CEMIP2: variants seen among roughly 807,000 people sequenced by gnomAD.
CEMIP2 encodes cell migration inducing hyaluronidase 2.
Under a neutral mutation model 146.9 loss-of-function variants are expected in CEMIP2, and 79 were observed. The observed-to-expected ratio is 0.54, with a 90% CI of 0.45 to 0.65. The LOEUF (loss-of-function observed/expected upper bound fraction) is 0.65. Among genes scored for constraint, CEMIP2 ranks in the 30% least tolerant of loss-of-function variants. The pLI is 0.00. For missense variants in CEMIP2, 1,596 were observed against 1,696.2 expected (o/e 0.94, Z 1.04); for synonymous variants, 601 against 606.3 (o/e 0.99, Z 0.13).
intron 21 of CEMIP2, among the ~76,000 whole-genome samples, chr9:71,694,018 A>G (rs1589126821): frequency 6.6e-6 from 1 of 152,232 alleles, no homozygotes; most frequent in East Asian, 1.9e-4. Flanking sequence ...AACCAGGCTC[A>G]CCAGACACTC....
At position 71,690,177 on chromosome 9, in the gene CEMIP2, G is replaced by A; in HGVS notation, c.3766C>T (p.Pro1256Ser). ...ACCGTTTTTTCCGTCAAGCGGAATG[G>A]AACGCTGCACGGATCCACAACAAGG... Reference protein sequence around the residue: ...LLLVVDPCSVPFRLTEKTVFP... With the variant: ...LLLVVDPCSVSFRLTEKTVFP... The change falls in exon 22 of 24, where the codon CCA (proline) becomes TCA (serine). Residue 1256 changes from proline (P) to serine (S), a missense_variant. Coordinates refer to ENST00000377044, the MANE Select transcript of CEMIP2 (RefSeq NM_013390.3). The A allele has an allele frequency of 6.2e-7, 1 of 1,614,166 alleles. No individual in the cohort carries two copies. Among genetic ancestry groups the A allele is most frequent in the South Asian group, 1.1e-5 (1 of 91,082 alleles).
intron 1 of CEMIP2, among the ~76,000 whole-genome samples, chr9:71,753,932 C>T (rs1441039949): frequency 6.6e-6 from 1 of 152,026 alleles, no homozygotes; most frequent in Non-Finnish European, 1.5e-5. Context: ...TTACAGCATC[C>T]CCAAGAAATG....
chr9:71,707,069 C>T (rs1822765244), intron 17 of CEMIP2, among the ~76,000 whole-genome samples: 1 of 152,164 alleles, frequency 6.6e-6, no homozygotes, highest in Non-Finnish European at 1.5e-5. Flanking sequence ...CGCAGGTGAT[C>T]CACCTGCCTC....
At position 71,685,159 on chromosome 9, in the gene CEMIP2, CA is replaced by C. The variant is rs745981584; in HGVS notation, c.*37del. ...GCCATAAATTAAATAAGTTAGTTCA[CA>C]TTTTTTTTCCCCCAGCACTTAAGTT... On this transcript the variant is annotated 3_prime_UTR_variant, in exon 24 of 24. Transcript: ENST00000377044. 8 of 1,517,622 alleles carry C rather than the reference CA, an allele frequency of 5.3e-6. No individual in the cohort carries two copies. The African/African-American group carries it at 9.8e-5, about 19-fold the overall frequency. 94.0% of individuals were successfully genotyped at this position (1,517,622 alleles called of 1,614,324 possible).
chr9:71,729,704 C>T lies in CEMIP2; in HGVS notation c.2049+141G>A, dbSNP rs373279865. On this transcript the variant is annotated intron_variant, in intron 10 of 23. Transcript: ENST00000377044. Reference sequence around the variant, plus strand: ...GAATAATCATCTCTACCGTATTCTGCTCTCAACTAAACAAGTAGTACCAGA... The same window carrying T: ...GAATAATCATCTCTACCGTATTCTGTTCTCAACTAAACAAGTAGTACCAGA... 4.9e-4 allele frequency: 366 copies of T among 750,446 alleles called. No individual in the cohort carries two copies. The African/African-American group carries it at 6.0e-3, about 12-fold the overall frequency. 46.5% of individuals were successfully genotyped at this position (750,446 alleles called of 1,614,324 possible). A position where few individuals can be genotyped will look rare whatever the true frequency, so the allele number is the denominator to read the frequency against.
chr9:71,757,552 GGAGT>G (rs1283749449), intron 1 of CEMIP2, among the ~76,000 whole-genome samples: 13 of 152,276 alleles, frequency 8.5e-5, no homozygotes, highest in Admixed American at 5.2e-4. Flanking sequence ...AGTAAAAAGA[GGAGT>G]GAGCATGAAT....
intron 1 of CEMIP2, among the ~76,000 whole-genome samples, chr9:71,763,195 T>A (rs543023415): frequency 6.6e-6 from 1 of 152,144 alleles, no homozygotes. Flanking sequence ...CAAACTTCAT[T>A]GTATGTGAAA....
At chr9:71,748,027 CCTTAA>C (rs1415152741) in intron 2 of CEMIP2, among the ~76,000 whole-genome samples, 5 of 152,106 alleles carry the variant, frequency 3.3e-5, no homozygotes, top group Admixed American at 1.3e-4. Flanking sequence ...AATGAGGATT[CCTTAA>C]CTTTTCTACC....
rs142569746 is a variant in CEMIP2 at position 71,717,735 on chromosome 9, T to G, written c.2399+213A>C. On this transcript the variant is annotated intron_variant, in intron 13 of 23. Transcript: ENST00000377044. ...CATCAAAAACTCTCATGTCACCGGATAAGTTCTGTTCCAATAAAAGCACCA... is the reference window on the plus strand; with the variant it reads ...CATCAAAAACTCTCATGTCACCGGAGAAGTTCTGTTCCAATAAAAGCACCA... 2.2e-3 allele frequency among the ~76,000 whole-genome samples: 335 copies of G among 152,292 alleles called. 1 individual carries two copies. Among genetic ancestry groups the G allele is most frequent in the African/African-American group, 7.0e-3 (292 of 41,556 alleles).
Position 71,700,641 on chromosome 9 carries a change from C to T in CEMIP2, c.3377+1G>A. On this transcript the variant is annotated splice_donor_variant, in intron 19 of 23. Transcript: ENST00000377044. LOFTEE classifies it high-confidence loss of function. ...CTCATTCCCTGGTTTCACTGAATTA[C>T]CCCGTGCTGGAGTCAAAATAGAATT... 2 of 1,587,996 alleles carry T rather than the reference C, an allele frequency of 1.3e-6. No individual in the cohort carries two copies. Among genetic ancestry groups the T allele is most frequent in the Non-Finnish European group, 1.7e-6 (2 of 1,169,622 alleles).
chr9:71,737,993 G>A (rs1312402282), intron 5 of CEMIP2, among the ~76,000 whole-genome samples: 1 of 152,066 alleles, frequency 6.6e-6, no homozygotes, highest in Non-Finnish European at 1.5e-5. Context: ...CAAAGATCAG[G>A]GAGTTTGAAT....
At position 71,717,928 on chromosome 9, in the gene CEMIP2, A is replaced by C. The variant is rs1823113777; in HGVS notation, c.2399+20T>G. ...AATACATCAGTGTCATCATATAATA[A>C]CTTGGTAGAGAATACCCACGCTGAA... is the stretch of plus-strand genomic sequence containing the variant. On this transcript the variant is annotated intron_variant, in intron 13 of 23. Transcript: ENST00000377044. The C allele has an allele frequency of 6.3e-7, 1 of 1,596,148 alleles. No homozygotes were observed. The highest frequency in any genetic ancestry group is 1.7e-5 in the Admixed American group (1 of 57,228).
intron 1 of CEMIP2, among the ~76,000 whole-genome samples, chr9:71,764,974 G>A (rs535761838): frequency 6.6e-6 from 1 of 151,442 alleles, no homozygotes; most frequent in African/African-American, 2.4e-5. Context: ...GAAAACAGAA[G>A]GGCTAGCTTG....
intron 10 of CEMIP2, among the ~76,000 whole-genome samples, chr9:71,729,139 G>A (rs62547024): frequency 1.3e-5 from 2 of 151,648 alleles, no homozygotes; most frequent in African/African-American, 2.4e-5. Flanking sequence ...TGTGCCTGAC[G>A]TAAGCCTATT....
rs1226070414 is a variant in CEMIP2 at position 71,734,916 on chromosome 9, T to G, written c.1283A>C (p.Lys428Thr). 1 of 1,613,884 alleles carries G rather than the reference T, an allele frequency of 6.2e-7. No individual in the cohort carries two copies. Among genetic ancestry groups the G allele is most frequent in the Non-Finnish European group, 8.5e-7 (1 of 1,179,954 alleles). ...LNLLDDVSSW[K>T]PGDQIVVAST... ...TGCGACCACAATCTGGTCTCCAGGT[T>G]TCCAACTACTAACATCATCTAGCAA... Residue 428 changes from lysine (K) to threonine (T), a missense_variant, in exon 6 of 24, where the codon AAA becomes ACA. Lys to Thr is a moderately conservative substitution (Grantham distance 78, BLOSUM62 -1). Transcript: ENST00000377044.
At chr9:71,762,503 C>CAAAAAAAAAAAAAAAAAAAAA (rs58090104) in intron 1 of CEMIP2, among the ~76,000 whole-genome samples, 1 of 79,734 alleles carries the variant, frequency 1.3e-5, no homozygotes. Flanking sequence ...GCCCCGTCAC[C>CAAAAAAAAAAAAAAAAAAAAA]AAAAAAAAAA....
chr9:71,754,686 G>T (rs1021717820), intron 1 of CEMIP2, among the ~76,000 whole-genome samples: 1 of 151,980 alleles, frequency 6.6e-6, no homozygotes, highest in African/African-American at 2.4e-5. Flanking sequence ...CATAATTTTT[G>T]GTATTTAGAT....
In CEMIP2 at chr9:71,694,426, T is replaced by G. The variant is rs564283289; in HGVS notation, c.3696+83A>C. ...GTGTGAGCCACCGCACCCAGCCAATTTCTGTTGTTTATAAGCTACCTAGTT... is the reference window on the plus strand; with the variant it reads ...GTGTGAGCCACCGCACCCAGCCAATGTCTGTTGTTTATAAGCTACCTAGTT... On this transcript the variant is annotated intron_variant, in intron 21 of 23. Transcript: ENST00000377044. 68 of 1,151,384 alleles carry G rather than the reference T, an allele frequency of 5.9e-5. No individual in the cohort carries two copies. In the South Asian group the frequency reaches 7.9e-4, roughly 13 times the overall value. The allele number at this position is 1,151,384 out of a possible 1,614,324, so 71.3% of individuals were successfully genotyped here. A position where few individuals can be genotyped will look rare whatever the true frequency, so the allele number is the denominator to read the frequency against.
chr9:71,712,427 G>A, intron 15 of CEMIP2, 167 bp from the exon 16 acceptor site: 1 of 608,630 alleles, frequency 1.6e-6, no homozygotes, highest in South Asian at 2.2e-5. Flanking sequence ...ATATGCTGTA[G>A]TGGGAAAGAC....
Sources: allele counts gnomAD v4.1 joint callset (sites outside exome capture counted in the v4.1 genomes callset), GRCh38; gene constraint gnomAD v4.1.1; transcripts MANE v1.5; gene names NCBI Gene and HGNC (gene_info 2026-07-23, HGNC 2026-07-21).